FERMT3: variants seen among roughly 807,000 people sequenced by gnomAD.
FERMT3 encodes the protein FERM domain containing kindlin 3, also known as fermitin family homolog 3.
FERMT3 carries 33 observed loss-of-function variants against 80.8 expected under a neutral mutation model. The observed-to-expected ratio is 0.41, with a 90% CI of 0.31 to 0.55. The LOEUF is 0.55. FERMT3 is among the 20% of genes least tolerant of loss of function. The pLI is 0.31. For synonymous variants in FERMT3, 375 were observed against 372.2 expected (o/e 1.01, Z -0.09); for missense variants, 754 against 908.7 (o/e 0.83, Z 2.19).
In FERMT3 at chr11:64,221,058, T is replaced by C; in HGVS notation, c.1588T>C (p.Leu530=). 1.2e-6 allele frequency: 2 copies of C among 1,612,792 alleles called. No individual in the cohort carries two copies. The highest frequency in any genetic ancestry group is 2.2e-5 in the East Asian group (1 of 44,888). Reference sequence around the variant, plus strand: ...GGAAGCCCACCAGAATGTGGCCCAGTTGTCGCTGGCAGAGGCCCAGCTGCG... The same window carrying C: ...GGAAGCCCACCAGAATGTGGCCCAGCTGTCGCTGGCAGAGGCCCAGCTGCG... The part of the protein sequence containing the change: ...ILEAHQNVAQ[L]SLAEAQLRFI... The change falls in exon 13 of 15, where the codon TTG becomes CTG. Residue 530 remains leucine (L), a synonymous_variant. Coordinates refer to ENST00000345728, the MANE Select transcript of FERMT3 (RefSeq NM_031471.6).
At chr11:64,217,301 G>C (rs948360197) in intron 6 of FERMT3, among the ~76,000 whole-genome samples, 1 of 152,216 alleles carries the variant, frequency 6.6e-6, no homozygotes, top group Non-Finnish European at 1.5e-5. Context: ...TGTAATCCCA[G>C]CACTTTGGGA....
rs371831924 is a variant in FERMT3, at chr11:64,221,054, C to T, written c.1584C>T (p.Ala528=). 69 of 1,612,816 alleles carry T rather than the reference C, an allele frequency of 4.3e-5. No individual in the cohort carries two copies. The Middle Eastern group carries it at 8.2e-4, about 19-fold the overall frequency. Residue 528 remains alanine, a synonymous_variant, in exon 13 of 15, where the codon GCC becomes GCT. Transcript: ENST00000345728. The part of the protein sequence containing the change: ...PRILEAHQNV[A]QLSLAEAQLR... ...TCCTGGAAGCCCACCAGAATGTGGC[C>T]CAGTTGTCGCTGGCAGAGGCCCAGC...
chr11:64,209,032 G>A lies in FERMT3; in HGVS notation c.160+1508G>A, dbSNP rs767000156. Among the ~76,000 whole-genome samples the A allele has an allele frequency of 1.5e-4, 23 of 152,302 alleles. No individual in the cohort carries two copies. The South Asian group carries it at 2.3e-3, about 15-fold the overall frequency. ...AAGGCCGGGCAGGGAGGATGGAGAG[G>A]AGGGTGGATTTTAGAGGTGGGATTG... On this transcript the variant is annotated intron_variant, in intron 2 of 14. Transcript: ENST00000345728.
In FERMT3 at chr11:64,219,171, G is replaced by A; in HGVS notation, c.787-80G>A. On this transcript the variant is annotated intron_variant, in intron 6 of 14. Transcript: ENST00000345728. This position sits in a 1 kb window ranked among gnomAD's most constrained non-coding sequence, Gnocchi z 4.0. Reference sequence around the variant, plus strand: ...GAGGGCAGGGCAGAGGGCCAAGGCTGGCAGGGGCTCAGTGCAGGGCGTCCA... The same window carrying A: ...GAGGGCAGGGCAGAGGGCCAAGGCTAGCAGGGGCTCAGTGCAGGGCGTCCA... The A allele has an allele frequency of 7.3e-7, 1 of 1,371,146 alleles. No individual in the cohort carries two copies. Among genetic ancestry groups the A allele is most frequent in the Non-Finnish European group, 1.0e-6 (1 of 988,162 alleles). The allele number at this position is 1,371,146 out of a possible 1,614,324, so 84.9% of individuals were successfully genotyped here.
chr11:64,215,461 A>G (rs1482552605), intron 6 of FERMT3, among the ~76,000 whole-genome samples: 1 of 152,250 alleles, frequency 6.6e-6, no homozygotes, highest in Admixed American at 6.5e-5. Flanking sequence ...TGCCAGATAA[A>G]TACATTGTGA....
At chr11:64,209,375 G>A (rs1047124449) in intron 2 of FERMT3, among the ~76,000 whole-genome samples, 2 of 152,216 alleles carry the variant, frequency 1.3e-5, no homozygotes, top group African/African-American at 2.4e-5. Flanking sequence ...GGTCTGGGCC[G>A]AGGGCCACGC....
At chr11:64,214,207 T>C (rs1420281178) in intron 6 of FERMT3, among the ~76,000 whole-genome samples, 5 of 149,740 alleles carry the variant, frequency 3.3e-5, no homozygotes, top group Admixed American at 6.8e-5. Flanking sequence ...TTGCTCTTGT[T>C]GCCCAGGCTG....
chr11:64,216,465 C>G (rs1373992156), intron 6 of FERMT3, among the ~76,000 whole-genome samples: 1 of 146,564 alleles, frequency 6.8e-6, no homozygotes, highest in African/African-American at 2.5e-5. Flanking sequence ...TCCCAAAGTG[C>G]TGGGATTACA....
At chr11:64,212,970 T>G in intron 6 of FERMT3, among the ~76,000 whole-genome samples, 1 of 152,194 alleles carries the variant, frequency 6.6e-6, no homozygotes, top group Admixed American at 6.5e-5. Flanking sequence ...CCCGGCTAAC[T>G]GCAGCCTGGA....
chr11:64,219,698 TG>T lies in FERMT3; in HGVS notation c.1029+41del. ...AGGGCAGGGGCTGGGCAGGGAGAAC[TG>T]TGAGGTACCGGGTGCCCCTCTGACT... On this transcript the variant is annotated intron_variant, in intron 8 of 14. Transcript: ENST00000345728. This position sits in a 1 kb window ranked among gnomAD's most constrained non-coding sequence, Gnocchi z 4.0. 1 of 1,612,748 alleles carries T rather than the reference TG, an allele frequency of 6.2e-7. No individual in the cohort carries two copies. Among genetic ancestry groups the T allele is most frequent in the Middle Eastern group, 1.7e-4 (1 of 6,060 alleles).
chr11:64,220,813 C>T, intron 12 of FERMT3, 144 bp downstream of exon 12: 3 of 1,274,402 alleles, frequency 2.4e-6, no homozygotes, highest in Non-Finnish European at 3.3e-6. Flanking sequence ...CGGCTGGTAC[C>T]CACCCTTTGG....
At chr11:64,221,371 G>A (rs778535143) in intron 13 of FERMT3, among the ~76,000 whole-genome samples, 12 of 152,242 alleles carry the variant, frequency 7.9e-5, no homozygotes, top group Non-Finnish European at 1.0e-4. Context: ...GCTCATGCCT[G>A]TAATCTCAGC....
chr11:64,215,296 T>C lies in FERMT3; in HGVS notation c.786+3549T>C, dbSNP rs574212268. ...TAATTTACATTTCCCTGATGACTAA[T>C]AAAGTTGAGTCCCTTTTCATAAGGC... On this transcript the variant is annotated intron_variant, in intron 6 of 14. Coordinates refer to ENST00000345728, the MANE Select transcript of FERMT3 (RefSeq NM_031471.6). Among the ~76,000 whole-genome samples, 20 of 152,378 alleles carry C rather than the reference T, an allele frequency of 1.3e-4. 1 individual carries two copies. In the South Asian group the frequency reaches 4.1e-3, roughly 32 times the overall value.
In FERMT3 at chr11:64,223,624, A is replaced by C. The variant is rs1354529440; in HGVS notation, c.*132A>C. 2.2e-5 allele frequency: 25 copies of C among 1,159,082 alleles called. No homozygotes were observed. The highest frequency in any genetic ancestry group is 2.7e-4 in the Middle Eastern group (1 of 3,668). The allele number at this position is 1,159,082 out of a possible 1,614,324, so 71.8% of individuals were successfully genotyped here. The stretch of plus-strand genomic sequence containing the variant: ...CTGGGCATTTCACCTGCTGTCACTG[A>C]CTTTGTGCAGGCCAAGGACCTGGCA... On this transcript the variant is annotated 3_prime_UTR_variant, in exon 15 of 15. Transcript: ENST00000345728.
At position 64,220,200 on chromosome 11, in the gene FERMT3, C is replaced by A; in HGVS notation, c.1205-20C>A. 1 of 1,612,076 alleles carries A rather than the reference C, an allele frequency of 6.2e-7. No homozygotes were observed. The highest frequency in any genetic ancestry group is 8.5e-7 in the Non-Finnish European group (1 of 1,178,404). ...CTCTTCCCCTCCCGACCTCCTAGAC[C>A]ACCCCTTCTCTCCCTCCAGGCTGTG... On this transcript the variant is annotated intron_variant, in intron 10 of 14. Transcript: ENST00000345728.
chr11:64,215,484 C>T (rs1652295888), intron 6 of FERMT3, among the ~76,000 whole-genome samples: 1 of 152,144 alleles, frequency 6.6e-6, no homozygotes, highest in African/African-American at 2.4e-5. Context: ...ATATTTTCCC[C>T]CTCTGTGCTT....
chr11:64,219,589 G>A lies in FERMT3; in HGVS notation c.960G>A (p.Leu320=), dbSNP rs749307668. 5 of 1,612,664 alleles carry A rather than the reference G, an allele frequency of 3.1e-6. No homozygotes were observed. Among genetic ancestry groups the A allele is most frequent in the South Asian group, 2.2e-5 (2 of 91,072 alleles). ...VGEPAGTDPG[L]DDLDVALSNL... is the part of the protein sequence containing the mutation. ...AGCCGGCTGGCACAGACCCAGGGCT[G>A]GACGACCTGGATGTGGCCCTGAGCA... Residue 320 remains leucine, a synonymous_variant, in exon 8 of 15, where the codon CTG becomes CTA. Coordinates refer to ENST00000345728, the MANE Select transcript of FERMT3 (RefSeq NM_031471.6). The surrounding 1 kb of genome is among the most constrained non-coding windows in gnomAD (Gnocchi z 4.0).
chr11:64,221,163 C>T lies in FERMT3; in HGVS notation c.1670+23C>T, dbSNP rs376185838. On this transcript the variant is annotated intron_variant, in intron 13 of 14. Coordinates refer to ENST00000345728, the MANE Select transcript of FERMT3 (RefSeq NM_031471.6). ...CAGGTATGGCCCCTGGCCCAGCCCC[C>T]TGCCCAGCACCGTCTCTGCCCTCAC... 2.9e-5 allele frequency: 47 copies of T among 1,602,940 alleles called. No homozygotes were observed. In the African/African-American group the frequency reaches 5.7e-4, roughly 20 times the overall value.
rs1946779077 is a variant in FERMT3 at position 64,223,670 on chromosome 11, A to G, written c.*178A>G. 3 of 853,542 alleles carry G rather than the reference A, an allele frequency of 3.5e-6. No individual in the cohort carries two copies. Among genetic ancestry groups the G allele is most frequent in the Non-Finnish European group, 5.5e-6 (3 of 547,566 alleles). 52.9% of individuals were successfully genotyped at this position (853,542 alleles called of 1,614,324 possible). The stretch of plus-strand genomic sequence containing the variant: ...TGGCAGGGCCAGACGCTGTACCATC[A>G]CCCAGGCCAGGGATGGGGGTGGGGG... On this transcript the variant is annotated 3_prime_UTR_variant, in exon 15 of 15. Coordinates refer to ENST00000345728, the MANE Select transcript of FERMT3 (RefSeq NM_031471.6).
Sources: gnomAD v4.1 joint callset for allele counts (sites outside exome capture counted in the v4.1 genomes callset) on GRCh38, gnomAD v4.1.1 for gene constraint, Gnocchi (gnomAD v3.1) non-coding constraint, MANE v1.5 for transcripts, NCBI Gene and HGNC (gene_info 2026-07-23, HGNC 2026-07-21) for gene names.